TM9SF2: variants seen among roughly 807,000 people sequenced by gnomAD.
The protein encoded by TM9SF2 is 76 kDa membrane protein.
In TM9SF2, 13 loss-of-function variants were observed where a neutral mutation model predicts 84.9. The observed-to-expected ratio is 0.15, with a 90% confidence interval of 0.10 to 0.24. The LOEUF (loss-of-function observed/expected upper bound fraction) is 0.24, where lower values mean the gene tolerates loss of function less well. Ranked by LOEUF, TM9SF2 falls within the 10% of genes least tolerant of loss-of-function variation. TM9SF2 has a pLI of 1.00. For synonymous variants in TM9SF2, 273 were observed against 285.8 expected (o/e 0.96, Z 0.45); for missense variants, 562 against 818.5 (o/e 0.69, Z 3.82).
At chr13:99,526,822 G>A (rs1277864967) in intron 3 of TM9SF2, among the ~76,000 whole-genome samples, 1 of 110,632 alleles carries the variant, frequency 9.0e-6, no homozygotes, top group Non-Finnish European at 2.2e-5. Context: ...GAGGGCCAGT[G>A]ACCTGGGGTT....
intron 10 of TM9SF2, 85 bp from the exon 11 acceptor site, chr13:99,546,900 T>A: frequency 6.3e-7 from 1 of 1,575,818 alleles, no homozygotes; most frequent in South Asian, 1.1e-5. Flanking sequence ...TTTTCTTGTT[T>A]GAAAAATGAG....
At chr13:99,555,735 C>A in intron 15 of TM9SF2, 88 bp downstream of exon 15, 2 of 787,350 alleles carry the variant, frequency 2.5e-6, no homozygotes, top group Non-Finnish European at 3.9e-6. Context: ...AAAATAATTT[C>A]TGTAGATGTA....
At chr13:99,508,443 A>ACACACACACACACACCCCC (rs1311954976) in intron 1 of TM9SF2, among the ~76,000 whole-genome samples, 2 of 147,448 alleles carry the variant, frequency 1.4e-5, no homozygotes, top group Non-Finnish European at 3.0e-5. Context: ...ACACACACAC[A>ACACACACACACACACCCCC]CCCCAGAGAT....
At chr13:99,525,231 A>G (rs891210624) in intron 3 of TM9SF2, among the ~76,000 whole-genome samples, 1 of 146,612 alleles carries the variant, frequency 6.8e-6, no homozygotes, top group African/African-American at 2.5e-5. Context: ...TGGTTCAAAG[A>G]GGACTGTTTG....
intron 3 of TM9SF2, among the ~76,000 whole-genome samples, chr13:99,524,393 T>C (rs1234597587): frequency 2.0e-5 from 3 of 152,030 alleles, no homozygotes; most frequent in Non-Finnish European, 2.9e-5. Flanking sequence ...GTGTGGAGTT[T>C]CTATTTTCTA....
intron 1 of TM9SF2, among the ~76,000 whole-genome samples, chr13:99,505,841 T>C (rs980874414): frequency 6.6e-5 from 10 of 152,208 alleles, no homozygotes; most frequent in Non-Finnish European, 1.0e-4. Context: ...CTTTCAACTT[T>C]CAAGTAATTA....
chr13:99,559,287 T>C, intron 15 of TM9SF2, 76 bp from the exon 16 acceptor site: 1 of 1,300,406 alleles, frequency 7.7e-7, no homozygotes, highest in Non-Finnish European at 1.0e-6. Flanking sequence ...TTATTATGCT[T>C]GCTTTGAACC....
intron 7 of TM9SF2, 94 bp from the exon 8 acceptor site, chr13:99,540,620 T>C (rs2046254887): frequency 4.2e-6 from 4 of 941,520 alleles, no homozygotes; most frequent in Non-Finnish European, 6.5e-6. Flanking sequence ...AGTTGTTGAC[T>C]CAATGGAAGG....
intron 1 of TM9SF2, among the ~76,000 whole-genome samples, chr13:99,507,963 T>C (rs2139069011): frequency 6.6e-6 from 1 of 152,262 alleles, no homozygotes; most frequent in East Asian, 1.9e-4. Context: ...CCCGTGTGCC[T>C]TGTTAAAACA....
chr13:99,527,814 C>G (rs1013223424), intron 3 of TM9SF2, among the ~76,000 whole-genome samples: 5 of 152,192 alleles, frequency 3.3e-5, no homozygotes, highest in Non-Finnish European at 5.9e-5. Context: ...GTGTTTTGCA[C>G]ACACGTTTCT....
intron 4 of TM9SF2, among the ~76,000 whole-genome samples, chr13:99,536,051 G>A (rs940563282): frequency 2.6e-5 from 4 of 151,884 alleles, no homozygotes; most frequent in Admixed American, 1.3e-4. Context: ...TCTTGCAATT[G>A]TATTCCTTTT....
chr13:99,504,294 C>T (rs2046079724), intron 1 of TM9SF2, among the ~76,000 whole-genome samples: 1 of 152,104 alleles, frequency 6.6e-6, no homozygotes. Context: ...TAATTTTTTC[C>T]AAAAGATGCT....
At chr13:99,557,977 A>G (rs2390281) in intron 15 of TM9SF2, among the ~76,000 whole-genome samples, 3,774 of 152,212 alleles carry the variant, frequency 0.025, 163 homozygotes, top group African/African-American at 0.086. Context: ...TAAGTCATTG[A>G]TCTATTTTGA....
intron 1 of TM9SF2, among the ~76,000 whole-genome samples, chr13:99,516,823 T>C (rs2046136730): frequency 6.6e-6 from 1 of 152,186 alleles, no homozygotes; most frequent in Non-Finnish European, 1.5e-5. Flanking sequence ...TAAGAGTACA[T>C]GTGCATGGAA....
At chr13:99,521,936 G>C (rs913045996) in intron 3 of TM9SF2, among the ~76,000 whole-genome samples, 2 of 152,112 alleles carry the variant, frequency 1.3e-5, no homozygotes, top group African/African-American at 4.8e-5. Context: ...TGAACTTCTG[G>C]CTTCAAGCAA....
At chr13:99,561,738 T>C (rs1188035135) in intron 16 of TM9SF2, among the ~76,000 whole-genome samples, 1 of 152,250 alleles carries the variant, frequency 6.6e-6, no homozygotes, top group Non-Finnish European at 1.5e-5. Flanking sequence ...GTGAAAACTA[T>C]TGGGACTTTA....
intron 3 of TM9SF2, among the ~76,000 whole-genome samples, chr13:99,521,992 C>T (rs949026198): frequency 1.1e-4 from 17 of 152,096 alleles, no homozygotes; most frequent in Non-Finnish European, 1.8e-4. Flanking sequence ...TAGACATAGA[C>T]GTGAGCCGCC....
intron 1 of TM9SF2, among the ~76,000 whole-genome samples, chr13:99,503,461 C>G (rs1311210907): frequency 1.3e-5 from 2 of 152,126 alleles, no homozygotes; most frequent in African/African-American, 4.8e-5. Flanking sequence ...GTAATCCCAA[C>G]ACATTGGGAG....
At chr13:99,539,607 G>T (rs373777112) in intron 7 of TM9SF2, 50 bp downstream of exon 7, 2 of 1,197,900 alleles carry the variant, frequency 1.7e-6, no homozygotes, top group East Asian at 4.7e-5. Context: ...TTTTAAATTT[G>T]TACTACTTAA....
Sources: allele counts gnomAD v4.1 joint callset (sites outside exome capture counted in the v4.1 genomes callset), GRCh38; gene constraint gnomAD v4.1.1; transcripts MANE v1.5; gene names NCBI Gene and HGNC (gene_info 2026-07-23, HGNC 2026-07-21).